ZNF532: variants seen among roughly 807,000 people sequenced by gnomAD.
ZNF532 encodes zinc finger protein 532.
In ZNF532, 22 loss-of-function variants were observed where a neutral mutation model predicts 89.3. The observed-to-expected ratio is 0.25, with a 90% CI of 0.18 to 0.35. ZNF532 has a LOEUF of 0.35. Among genes scored for constraint, ZNF532 ranks in the 10% least tolerant of loss-of-function variants. The pLI is 1.00. For synonymous variants in ZNF532, 606 were observed against 649.6 expected, an observed-to-expected ratio of 0.93 and a Z score of 1.02; for missense variants, 1,132 against 1,643.4, an observed-to-expected ratio of 0.69 and a Z score of 5.38.
At chr18:58,927,791 G>A (rs566199161) in intron 3 of ZNF532, among the ~76,000 whole-genome samples, 4 of 152,086 alleles carry the variant, frequency 2.6e-5, no homozygotes, top group Non-Finnish European at 4.4e-5. Context: ...GTGCTCTGCC[G>A]GAGACTTTCA....
In ZNF532 at chr18:58,916,604, G is replaced by A. The variant is rs1318828233; in HGVS notation, c.-17-1667G>A. On this transcript the variant is annotated intron_variant, in intron 2 of 9. Transcript: ENST00000591808. ...TGACTTCTTCAGCTCGGTATTAACC[G>A]AGACAGGTGTGAATAGAAGCGGATT... The A allele has an allele frequency of 8.6e-6, 5 of 582,970 alleles. No individual in the cohort carries two copies. In the East Asian group the frequency reaches 4.3e-4, roughly 50 times the overall value. The allele number at this position is 582,970 out of a possible 1,614,324, so 36.1% of individuals were successfully genotyped here.
rs114310367 is a variant in ZNF532 at position 58,962,483 on chromosome 18, G to A, written c.3150+8684G>A. Among the ~76,000 whole-genome samples, 358 of 152,286 alleles carry A rather than the reference G, an allele frequency of 2.4e-3. 2 individuals are homozygous for A. Among genetic ancestry groups the A allele is most frequent in the Admixed American group, 0.011 (162 of 15,298 alleles). On this transcript the variant is annotated intron_variant, in intron 7 of 9. Coordinates refer to ENST00000591808, the MANE Select transcript of ZNF532 (RefSeq NM_001375912.1). ...CTTGTCAGCAGGAAGGCTACAGGGGGAGCAGTGAGTCTGACTTGGTAGCTG... is the reference window on the plus strand; with the variant it reads ...CTTGTCAGCAGGAAGGCTACAGGGGAAGCAGTGAGTCTGACTTGGTAGCTG...
chr18:58,880,743 C>T (rs1225193984), intron 2 of ZNF532, among the ~76,000 whole-genome samples: 5 of 103,398 alleles, frequency 4.8e-5, no homozygotes, highest in Non-Finnish European at 7.3e-5. Context: ...TATTTGAGCC[C>T]TCTCATAGGC....
chr18:58,973,043 C>T (rs2066638896), intron 7 of ZNF532, among the ~76,000 whole-genome samples: 1 of 152,160 alleles, frequency 6.6e-6, no homozygotes, highest in East Asian at 1.9e-4. Flanking sequence ...TGATTGTACG[C>T]TTTTTCTTTG....
intron 2 of ZNF532, among the ~76,000 whole-genome samples, chr18:58,901,037 C>A (rs561951645): frequency 6.6e-6 from 1 of 152,274 alleles, no homozygotes; most frequent in Non-Finnish European, 1.5e-5. Flanking sequence ...CAGTCCTTGC[C>A]ATGTATAAAA....
In ZNF532 at chr18:58,948,165, T is replaced by C. The variant is rs1412205710; in HGVS notation, c.2804T>C (p.Val935Ala). ...CACATTGAAAACCAGAAGGTGTCTG[T>C]TTTCAAGTGTCCAGACTGTTCTCTT... is the stretch of plus-strand genomic sequence containing the variant. ...DQHIENQKVS[V>A]FKCPDCSLLY... The change falls in exon 6 of 10, where the codon GTT (valine) becomes GCT (alanine). Residue 935 changes from valine (V) to alanine (A), a missense_variant. Around this residue, in one of 9 missense-constraint regions of ZNF532, gnomAD observed 415 missense variants for 604.8 expected, o/e 0.69. Transcript: ENST00000591808. The C allele has an allele frequency of 6.2e-7, 1 of 1,613,910 alleles. No homozygotes were observed. The highest frequency in any genetic ancestry group is 8.5e-7 in the Non-Finnish European group (1 of 1,179,922).
At chr18:58,965,733 A>T (rs2065855587) in intron 7 of ZNF532, among the ~76,000 whole-genome samples, 1 of 152,232 alleles carries the variant, frequency 6.6e-6, no homozygotes, top group African/African-American at 2.4e-5. Context: ...TGTTAACAGC[A>T]TCATGGTGTC....
chr18:58,960,543 C>T (rs979467392), intron 7 of ZNF532, among the ~76,000 whole-genome samples: 1 of 152,208 alleles, frequency 6.6e-6, no homozygotes, highest in African/African-American at 2.4e-5. Context: ...CTGGTTCCTG[C>T]CTGAGCACTG....
chr18:58,923,951 G>C (rs773376857), intron 3 of ZNF532, among the ~76,000 whole-genome samples: 1 of 152,100 alleles, frequency 6.6e-6, no homozygotes, highest in East Asian at 1.9e-4. Context: ...CTGCCTCCTG[G>C]GTTCAAGTGA....
chr18:58,915,855 G>A (rs528170103), intron 2 of ZNF532, among the ~76,000 whole-genome samples: 8 of 152,286 alleles, frequency 5.3e-5, no homozygotes, highest in African/African-American at 1.9e-4. Flanking sequence ...TTTTGTTCCT[G>A]AACTGACTGC....
At chr18:58,970,837 A>G (rs1219419798) in intron 7 of ZNF532, among the ~76,000 whole-genome samples, 2 of 152,186 alleles carry the variant, frequency 1.3e-5, no homozygotes, top group South Asian at 4.1e-4. Context: ...CCTGGCAGGC[A>G]TGTACCCCTG....
chr18:58,950,358 C>T (rs770004006), intron 6 of ZNF532, among the ~76,000 whole-genome samples: 3 of 152,126 alleles, frequency 2.0e-5, no homozygotes, highest in Non-Finnish European at 4.4e-5. Context: ...CTACATGATA[C>T]GAAAACAGTG....
chr18:58,953,564 G>T lies in ZNF532; in HGVS notation c.2915G>T (p.Gly972Val). ...LKSIEGPPNL[G>V]INLPLSIKPA... ...AGTATTGAAGGGCCTCCAAACTTGG[G>T]TATAAACTTGCCTTTGAGCATTAAG... The change falls in exon 7 of 10, where the codon GGT becomes GTT. Residue 972 changes from glycine to valine, a missense_variant. Physicochemically the swap from Gly to Val is moderately radical, Grantham distance 109 (BLOSUM62 -3). Coordinates refer to ENST00000591808, the MANE Select transcript of ZNF532 (RefSeq NM_001375912.1). The T allele has an allele frequency of 6.2e-7, 1 of 1,613,492 alleles. No individual in the cohort carries two copies. The highest frequency in any genetic ancestry group is 8.5e-7 in the Non-Finnish European group (1 of 1,179,646).
chr18:58,885,199 G>A (rs1271317822), intron 2 of ZNF532, among the ~76,000 whole-genome samples: 2 of 152,106 alleles, frequency 1.3e-5, no homozygotes, highest in Admixed American at 6.5e-5. Context: ...ATGTTGGTCA[G>A]GCTGGTCTCG....
Position 58,919,204 on chromosome 18 carries a change from A to G in ZNF532, c.917A>G (p.Asp306Gly), listed in dbSNP as rs750805279. The G allele has an allele frequency of 6.4e-5, 103 of 1,613,988 alleles. No individual in the cohort carries two copies. The highest frequency in any genetic ancestry group is 6.2e-5 in the Non-Finnish European group (73 of 1,179,986). Residue 306 changes from aspartate to glycine, a missense_variant, in exon 3 of 10, where the codon GAC (aspartate) becomes GGC (glycine). Physicochemically the swap from Asp to Gly is moderately conservative, Grantham distance 94. Coordinates refer to ENST00000591808, the MANE Select transcript of ZNF532 (RefSeq NM_001375912.1). The surrounding 1 kb of genome is among the most constrained non-coding windows in gnomAD (Gnocchi z 6.1). ...TCCCCGTTACCAAAAGAAGTAAATG[A>G]CAGTCCGAGAGCCGCTGACAAGTCT... ...ESSPLPKEVN[D>G]SPRAADKSPE...
chr18:58,943,517 C>T (rs929775394), intron 5 of ZNF532, among the ~76,000 whole-genome samples: 1 of 150,726 alleles, frequency 6.6e-6, no homozygotes, highest in Non-Finnish European at 1.5e-5. Flanking sequence ...GGCTGTAGTG[C>T]AGTGGCGCAA....
chr18:58,984,657 G>T lies in ZNF532; in HGVS notation c.*191G>T. On this transcript the variant is annotated 3_prime_UTR_variant, in exon 10 of 10. Coordinates refer to ENST00000591808, the MANE Select transcript of ZNF532 (RefSeq NM_001375912.1). ...ATTAAAACAGTATTTGAGTTTAAAAGAGTTTGTATATATTTAAATGAATAA... is the reference window on the plus strand; with the variant it reads ...ATTAAAACAGTATTTGAGTTTAAAATAGTTTGTATATATTTAAATGAATAA... The T allele has an allele frequency of 1.7e-6, 1 of 590,858 alleles. No homozygotes were observed. Among genetic ancestry groups the T allele is most frequent in the Non-Finnish European group, 2.8e-6 (1 of 357,096 alleles). The allele number at this position is 590,858 out of a possible 1,614,324, so 36.6% of individuals were successfully genotyped here. A position where few individuals can be genotyped will look rare whatever the true frequency, so the allele number is the denominator to read the frequency against.
intron 2 of ZNF532, among the ~76,000 whole-genome samples, chr18:58,873,447 T>A (rs1466462799): frequency 1.4e-5 from 2 of 145,466 alleles, no homozygotes; most frequent in African/African-American, 5.2e-5. Context: ...ATTTTGCTGA[T>A]TTTTTTTTTT....
intron 2 of ZNF532, among the ~76,000 whole-genome samples, chr18:58,888,884 ATATATT>A: frequency 1.8e-5 from 1 of 54,188 alleles, no homozygotes; most frequent in Non-Finnish European, 3.0e-5. Flanking sequence ...TATTATATAT[ATATATT>A]TTATATATAT....
Sources: allele counts gnomAD v4.1 joint callset (sites outside exome capture counted in the v4.1 genomes callset), GRCh38; gene constraint gnomAD v4.1.1; regional missense constraint gnomAD v4.1.1; non-coding constraint Gnocchi (gnomAD v3.1); transcripts MANE v1.5; gene names NCBI Gene and HGNC (gene_info 2026-07-23, HGNC 2026-07-21).